Variants in HADHB observed in about 807,000 individuals in gnomAD.
HADHB encodes hydroxyacyl-CoA dehydrogenase trifunctional multienzyme complex subunit beta.
Under a neutral mutation model 61.9 loss-of-function variants are expected in HADHB, and 50 were observed. That is an observed-to-expected ratio of 0.81 (90% CI 0.64 to 1.02). The LOEUF is 1.02. Ranked by LOEUF, HADHB falls within the 50% of genes least tolerant of loss-of-function variation. The pLI is 0.00. For synonymous variants in HADHB, 191 were observed against 201.6 expected, an observed-to-expected ratio of 0.95 and a Z score of 0.45; for missense variants, 504 against 586.5, an observed-to-expected ratio of 0.86 and a Z score of 1.45.
At chr2:26,251,998 C>G (rs1233994065) in intron 1 of HADHB, among the ~76,000 whole-genome samples, 1 of 152,196 alleles carries the variant, frequency 6.6e-6, no homozygotes, top group Non-Finnish European at 1.5e-5. Context: ...GTTGGCAGGG[C>G]TGGAGTCAGC....
intron 3 of HADHB, among the ~76,000 whole-genome samples, chr2:26,256,971 A>G (rs1001267036): frequency 3.9e-5 from 6 of 152,178 alleles, no homozygotes; most frequent in African/African-American, 7.2e-5. Context: ...TGTGGCCTCA[A>G]TCAGTCCTCT....
At chr2:26,277,440 T>A (rs752216138) in intron 7 of HADHB, among the ~76,000 whole-genome samples, 2 of 152,028 alleles carry the variant, frequency 1.3e-5, no homozygotes, top group Non-Finnish European at 2.9e-5. Flanking sequence ...CTCGCCATGT[T>A]GCCCAGGCTG....
Position 26,249,668 on chromosome 2 carries a change from G to A in HADHB, c.-8-4579G>A, listed in dbSNP as rs1322012285. Among the ~76,000 whole-genome samples, 3 of 151,790 alleles carry A rather than the reference G, an allele frequency of 2.0e-5. No homozygotes were observed. In the South Asian group the frequency reaches 6.2e-4, roughly 32 times the overall value. ...CTTGTTTGGTGTTAGCTCTATCTTA[G>A]CCTAGCTTTGTTAATGTTTGCAAAT... On this transcript the variant is annotated intron_variant, in intron 1 of 15. Coordinates refer to ENST00000317799, the MANE Select transcript of HADHB (RefSeq NM_000183.3).
chr2:26,288,152 A>G (rs1008296158), intron 15 of HADHB, among the ~76,000 whole-genome samples: 1 of 152,074 alleles, frequency 6.6e-6, no homozygotes, highest in Non-Finnish European at 1.5e-5. Context: ...CTGTGGTCCC[A>G]GTTACTCAGG....
intron 7 of HADHB, 120 bp from the exon 8 acceptor site, chr2:26,278,482 TTGAAAACTTTAA>T: frequency 1.3e-6 from 1 of 784,332 alleles, no homozygotes; most frequent in Non-Finnish European, 2.2e-6. Flanking sequence ...TTCTGAAAAG[TTGAAAACTTTAA>T]TTACAGATGT....
intron 3 of HADHB, among the ~76,000 whole-genome samples, chr2:26,258,121 C>T (rs1253229929): frequency 3.9e-5 from 6 of 152,170 alleles, no homozygotes; most frequent in Admixed American, 2.6e-4. Context: ...CATTAGGTCC[C>T]TTAACTGAGC....
At chr2:26,285,994 TC>T (rs1673019665) in intron 15 of HADHB, among the ~76,000 whole-genome samples, 1 of 151,996 alleles carries the variant, frequency 6.6e-6, no homozygotes. Flanking sequence ...CTCCTTGGCC[TC>T]CCAAAGTGCT....
chr2:26,279,067 A>T, intron 8 of HADHB, 68 bp from the exon 9 acceptor site: 1 of 1,274,342 alleles, frequency 7.8e-7, no homozygotes, highest in Non-Finnish European at 1.1e-6. Flanking sequence ...AATAACACAG[A>T]ACAATCCTAG....
intron 5 of HADHB, 151 bp downstream of exon 5, chr2:26,270,148 G>A (rs1672278695): frequency 1.4e-6 from 1 of 699,360 alleles, no homozygotes; most frequent in African/African-American, 1.8e-5. Context: ...TATTTTGCAG[G>A]CCTAACAGTG....
At position 26,283,013 on chromosome 2, in the gene HADHB, G is replaced by T. The variant is rs141484936; in HGVS notation, c.1023G>T (p.Met341Ile). The T allele has an allele frequency of 5.7e-5, 92 of 1,609,252 alleles. No homozygotes were observed. In the African/African-American group the frequency reaches 1.1e-3, roughly 19 times the overall value. Residue 341 changes from methionine to isoleucine, a missense_variant, in exon 12 of 16, where the codon ATG becomes ATT. By Grantham distance (10) the Met-to-Ile change is conservative (BLOSUM62 1). Coordinates refer to ENST00000317799, the MANE Select transcript of HADHB (RefSeq NM_000183.3). ...YKPKAYLRDF[M>I]YVSQDPKDQL... is the part of the protein sequence containing the mutation. ...CTATTTTTTTACCTAGGGATTTTAT[G>T]TATGTGTCTCAGGATCCAAAAGATC...
At chr2:26,276,864 C>G (rs1672549147) in intron 6 of HADHB, among the ~76,000 whole-genome samples, 1 of 152,178 alleles carries the variant, frequency 6.6e-6, no homozygotes, top group Non-Finnish European at 1.5e-5. Context: ...AACCAGCCAG[C>G]AGGAATTTTG....
intron 4 of HADHB, among the ~76,000 whole-genome samples, chr2:26,266,051 G>A (rs1002859499): frequency 6.0e-5 from 9 of 150,080 alleles, no homozygotes; most frequent in African/African-American, 1.7e-4. Context: ...TATCCCCAAC[G>A]CCTCCTCACC....
chr2:26,266,451 T>C (rs1041641038), intron 4 of HADHB, among the ~76,000 whole-genome samples: 2 of 151,932 alleles, frequency 1.3e-5, no homozygotes, highest in Non-Finnish European at 2.9e-5. Context: ...TCAACTTGAG[T>C]GTTATTTGGA....
At chr2:26,254,577 C>A in intron 3 of HADHB, 103 bp downstream of exon 3, 1 of 797,450 alleles carries the variant, frequency 1.3e-6, no homozygotes, top group South Asian at 1.4e-5. Context: ...TGCTAATTCT[C>A]CCCTTTTTAT....
intron 5 of HADHB, among the ~76,000 whole-genome samples, chr2:26,271,520 TAAAA>T (rs1157032053): frequency 6.6e-6 from 1 of 151,796 alleles, no homozygotes; most frequent in Non-Finnish European, 1.5e-5. Flanking sequence ...AAAATAAAAA[TAAAA>T]AACCACACAC....
At position 26,284,941 on chromosome 2, in the gene HADHB, TG is replaced by T; in HGVS notation, c.1211del (p.Gly404ValfsTer51). On this transcript the variant is annotated frameshift_variant, in exon 14 of 16. Coordinates refer to ENST00000317799, the MANE Select transcript of HADHB (RefSeq NM_000183.3). LOFTEE classifies it high-confidence loss of function. ...TCTGATTGGTTTGCAGAAAACTACA[TG>T]GGTAGAAAAACCAAGGTGAGTTTCT... The part of the protein sequence containing the change: ...MDSDWFAENY[M>X]GRKTKVGLPP... The T allele has an allele frequency of 1.3e-6, 2 of 1,580,396 alleles. No individual in the cohort carries two copies. Among genetic ancestry groups the T allele is most frequent in the Non-Finnish European group, 1.7e-6 (2 of 1,149,218 alleles).
At chr2:26,279,870 C>T (rs1672711215) in intron 9 of HADHB, 124 bp from the exon 10 acceptor site, 1 of 710,554 alleles carries the variant, frequency 1.4e-6, no homozygotes. Context: ...AAAACACTTT[C>T]CTTCTAGTGA....
chr2:26,246,712 A>G (rs1671179981), intron 1 of HADHB, among the ~76,000 whole-genome samples: 1 of 152,134 alleles, frequency 6.6e-6, no homozygotes, highest in Non-Finnish European at 1.5e-5. Flanking sequence ...CCAATCCCTG[A>G]TTTAGATCAC....
intron 15 of HADHB, among the ~76,000 whole-genome samples, chr2:26,288,173 G>C (rs1302600821): frequency 1.3e-5 from 2 of 152,110 alleles, no homozygotes; most frequent in Non-Finnish European, 2.9e-5. Flanking sequence ...AGGGAGGTGA[G>C]AGGATTGCTT....
Sources: allele counts gnomAD v4.1 joint callset (sites outside exome capture counted in the v4.1 genomes callset), GRCh38; gene constraint gnomAD v4.1.1; transcripts MANE v1.5; gene names NCBI Gene and HGNC (gene_info 2026-07-23, HGNC 2026-07-21).